ZFHX4: variants seen among roughly 807,000 people sequenced by gnomAD.
ZFHX4 encodes the protein zinc finger homeobox 4.
Under a neutral mutation model 267.6 loss-of-function variants are expected in ZFHX4, and 56 were observed. The ratio of observed to expected loss-of-function variants is 0.21; its 90% CI spans 0.17 to 0.26. The LOEUF is 0.26. ZFHX4 is among the 10% of genes least tolerant of loss of function. The pLI, the probability that ZFHX4 is intolerant of heterozygous loss-of-function variation, is 1.00. For missense variants in ZFHX4, 4,332 were observed against 4,420.0 expected (o/e 0.98, Z 0.56); for synonymous variants, 1,778 against 1,665.6 (o/e 1.07, Z -1.64).
intron 3 of ZFHX4, among the ~76,000 whole-genome samples, chr8:76,773,767 C>T (rs948885516): frequency 5.9e-5 from 9 of 152,232 alleles, no homozygotes; most frequent in African/African-American, 2.2e-4. Flanking sequence ...TAATTTATTT[C>T]ATCTATGCTT....
intron 4 of ZFHX4, among the ~76,000 whole-genome samples, chr8:76,794,018 C>T (rs1035870596): frequency 2.6e-5 from 4 of 152,170 alleles, no homozygotes; most frequent in South Asian, 2.1e-4. Context: ...TCTTCTGACT[C>T]ATAAGCCCAA....
intron 3 of ZFHX4, among the ~76,000 whole-genome samples, chr8:76,738,852 C>A (rs1809241510): frequency 3.3e-5 from 5 of 151,946 alleles, no homozygotes; most frequent in Admixed American, 2.6e-4. Context: ...GTAGCTGGGA[C>A]CACTGGCATG....
chr8:76,770,262 C>A (rs777041689), intron 3 of ZFHX4, among the ~76,000 whole-genome samples: 5 of 152,146 alleles, frequency 3.3e-5, no homozygotes, highest in African/African-American at 4.8e-5. Context: ...CCCAACGTGT[C>A]CTTTATATTG....
intron 4 of ZFHX4, among the ~76,000 whole-genome samples, chr8:76,805,865 A>G (rs1232930987): frequency 6.6e-6 from 1 of 152,108 alleles, no homozygotes; most frequent in African/African-American, 2.4e-5. Flanking sequence ...GGGAAAAAAA[A>G]AGGTTTAAAT....
chr8:76,842,602 G>A, intron 5 of ZFHX4, 53 bp from the exon 6 acceptor site: 1 of 1,355,636 alleles, frequency 7.4e-7, no homozygotes, highest in Non-Finnish European at 1.0e-6. Context: ...TTATTTCAGT[G>A]TGAACTTTTG....
chr8:76,848,372 C>T (rs1290699845), intron 6 of ZFHX4, among the ~76,000 whole-genome samples: 1 of 152,122 alleles, frequency 6.6e-6, no homozygotes, highest in Non-Finnish European at 1.5e-5. Context: ...TTGGATTAAC[C>T]TCATAAAACC....
At chr8:76,699,433 A>G (rs868369209) in intron 1 of ZFHX4, among the ~76,000 whole-genome samples, 1 of 152,168 alleles carries the variant, frequency 6.6e-6, no homozygotes, top group Non-Finnish European at 1.5e-5. Context: ...CACATACACC[A>G]AAATAAGCAA....
At chr8:76,803,181 G>A (rs1448769683) in intron 4 of ZFHX4, among the ~76,000 whole-genome samples, 1 of 151,960 alleles carries the variant, frequency 6.6e-6, no homozygotes, top group Non-Finnish European at 1.5e-5. Flanking sequence ...AAATTCCTCT[G>A]TCTAGTACAG....
At chr8:76,748,853 C>A (rs545789334) in intron 3 of ZFHX4, among the ~76,000 whole-genome samples, 3 of 152,226 alleles carry the variant, frequency 2.0e-5, no homozygotes, top group African/African-American at 7.2e-5. Context: ...TGTTTTTATT[C>A]CTGAAAACAT....
chr8:76,722,854 T>A (rs1808760083), intron 3 of ZFHX4, among the ~76,000 whole-genome samples: 2 of 152,048 alleles, frequency 1.3e-5, no homozygotes, highest in Admixed American at 1.3e-4. Flanking sequence ...TAAGGCACTT[T>A]ATTTTTAAAT....
rs148979629 is a variant in ZFHX4 at position 76,863,350 on chromosome 8, C to T, written c.9636C>T (p.Pro3212=). Residue 3212 remains proline (P), a synonymous_variant, in exon 11 of 11, where the codon CCC becomes CCT. Transcript: ENST00000651372. ...AGGAGGAATTAGAGGCCACCAAACC[C>T]GAAAAACACCCCAAAAAAGAGGAAA... ...IKEEELEATK[P]EKHPKKEEKI... is the part of the protein sequence containing the mutation. 9.9e-4 allele frequency: 1,604 copies of T among 1,613,756 alleles called. 1 individual carries two copies. The highest frequency in any genetic ancestry group is 1.3e-3 in the Non-Finnish European group (1,523 of 1,179,828).
intron 1 of ZFHX4, among the ~76,000 whole-genome samples, chr8:76,688,102 G>A (rs957508131): frequency 2.0e-5 from 3 of 152,158 alleles, no homozygotes; most frequent in Non-Finnish European, 4.4e-5. Flanking sequence ...GATCAACAGA[G>A]GTTTGTATAT....
Position 76,852,928 on chromosome 8 carries a change from C to T in ZFHX4, c.6007C>T (p.Pro2003Ser). The change falls in exon 10 of 11, where the codon CCG becomes TCG. Residue 2003 changes from proline (P) to serine (S), a missense_variant. Pro to Ser is a moderately conservative substitution (Grantham distance 74). Around this residue, in one of 7 missense-constraint regions of ZFHX4, gnomAD observed 1,371 missense variants for 1,423.1 expected, o/e 0.96. Transcript: ENST00000651372. The stretch of plus-strand genomic sequence containing the variant: ...AATTTCTCCATCTTCTCCAGAAACG[C>T]CGCCCCCGCCACCTCCTCCTCCTCC... The part of the protein sequence containing the change: ...YPISPSSPET[P>S]PPPPPPPPLP... 9 of 1,593,428 alleles carry T rather than the reference C, an allele frequency of 5.6e-6. No homozygotes were observed. Among genetic ancestry groups the T allele is most frequent in the Non-Finnish European group, 6.8e-6 (8 of 1,169,330 alleles).
In ZFHX4 at chr8:76,811,118, C is replaced by G. The variant is rs144657363; in HGVS notation, c.3326-22220C>G. 4.6e-5 allele frequency among the ~76,000 whole-genome samples: 7 copies of G among 152,138 alleles called. No individual in the cohort carries two copies. In the South Asian group the frequency reaches 8.3e-4, roughly 18 times the overall value. ...GCCCACAAGCTAAACCCTCATCTCACGGCTAAGGACTTCCCCACATTTGTC... is the reference window on the plus strand; with the variant it reads ...GCCCACAAGCTAAACCCTCATCTCAGGGCTAAGGACTTCCCCACATTTGTC... On this transcript the variant is annotated intron_variant, in intron 4 of 10. Coordinates refer to ENST00000651372, the MANE Select transcript of ZFHX4 (RefSeq NM_024721.5).
At chr8:76,799,867 A>G (rs115439269) in intron 4 of ZFHX4, among the ~76,000 whole-genome samples, 178 of 152,290 alleles carry the variant, frequency 1.2e-3, no homozygotes, top group African/African-American at 4.1e-3. Context: ...TACTGGCTGT[A>G]TACCTCCCGT....
intron 3 of ZFHX4, among the ~76,000 whole-genome samples, chr8:76,710,850 T>A (rs1207694277): frequency 1.3e-5 from 2 of 152,146 alleles, no homozygotes; most frequent in Non-Finnish European, 2.9e-5. Flanking sequence ...AGTTAAAGGT[T>A]AAGGTTAGCT....
chr8:76,862,247 C>A (rs1812889630), intron 10 of ZFHX4, among the ~76,000 whole-genome samples: 1 of 152,160 alleles, frequency 6.6e-6, no homozygotes, highest in Admixed American at 6.5e-5. Flanking sequence ...TATGCTGTAC[C>A]CACAGGTTTC....
At chr8:76,692,791 C>T (rs1207272201) in intron 1 of ZFHX4, among the ~76,000 whole-genome samples, 2 of 152,014 alleles carry the variant, frequency 1.3e-5, no homozygotes, top group East Asian at 3.9e-4. Context: ...AATCTAAGTG[C>T]ATTTGGATTA....
chr8:76,766,487 TA>T (rs1344867372), intron 3 of ZFHX4, among the ~76,000 whole-genome samples: 2 of 152,226 alleles, frequency 1.3e-5, no homozygotes, highest in South Asian at 2.1e-4. Context: ...ATTATTTCTT[TA>T]AAAAATATCC....
Sources: allele counts gnomAD v4.1 joint callset (sites outside exome capture counted in the v4.1 genomes callset), GRCh38; gene constraint gnomAD v4.1.1; regional missense constraint gnomAD v4.1.1; transcripts MANE v1.5; gene names NCBI Gene and HGNC (gene_info 2026-07-23, HGNC 2026-07-21).